PAK5: variants seen among roughly 807,000 people sequenced by gnomAD.
PAK5 encodes the protein p21 (RAC1) activated kinase 5.
Under a neutral mutation model 65.9 loss-of-function variants are expected in PAK5, and 16 were observed. The ratio of observed to expected loss-of-function variants is 0.24; its 90% confidence interval spans 0.16 to 0.37. PAK5 has a LOEUF of 0.37. Ranked by LOEUF, PAK5 falls within the 10% of genes least tolerant of loss-of-function variation. The probability of loss-of-function intolerance (pLI) is 1.00; values close to 1 mark genes in which losing one functional copy is unlikely to be tolerated. For synonymous variants in PAK5, 371 were observed against 354.9 expected (o/e 1.05, Z -0.51); for missense variants, 785 against 903.9 (o/e 0.87, Z 1.69).
chr20:9,684,658 A>C (rs1032166436), intron 2 of PAK5, among the ~76,000 whole-genome samples: 2 of 151,900 alleles, frequency 1.3e-5, no homozygotes, highest in African/African-American at 4.8e-5. Flanking sequence ...TTTTTTTTCT[A>C]TTCTCCACTT....
rs71184156 is a variant in PAK5, at chr20:9,766,283, A to ATTGAATATATATATATTCTAC, written c.-161-54869_-161-54849dup. On this transcript the variant is annotated intron_variant, in intron 1 of 9. Transcript: ENST00000353224. ...TCTAATTGAATATATATATATTCTA[A>ATTGAATATATATATATTCTAC]TTGAATATATATATATTCTACTTGA... 8.4e-3 allele frequency among the ~76,000 whole-genome samples: 562 copies of ATTGAATATATATATATTCTAC among 66,646 alleles called. 43 individuals are homozygous for ATTGAATATATATATATTCTAC. Among genetic ancestry groups the ATTGAATATATATATATTCTAC allele is most frequent in the East Asian group, 0.032 (79 of 2,468 alleles). The allele number at this position is 66,646 out of a possible 152,430, so 43.7% of individuals were successfully genotyped here. A position where few individuals can be genotyped will look rare whatever the true frequency, so the allele number is the denominator to read the frequency against.
chr20:9,585,937 T>C (rs1028215120), intron 3 of PAK5, among the ~76,000 whole-genome samples: 5 of 152,102 alleles, frequency 3.3e-5, no homozygotes, highest in Non-Finnish European at 5.9e-5. Context: ...AAAAGAACTA[T>C]GAAGCACATC....
chr20:9,734,908 C>G (rs572749231), intron 1 of PAK5, among the ~76,000 whole-genome samples: 6 of 152,110 alleles, frequency 3.9e-5, no homozygotes, highest in Admixed American at 6.5e-5. Flanking sequence ...AACAGGTTTC[C>G]CTGTGGCTGA....
chr20:9,626,265 A>G (rs1443124929), intron 3 of PAK5, among the ~76,000 whole-genome samples: 1 of 152,194 alleles, frequency 6.6e-6, no homozygotes, highest in Non-Finnish European at 1.5e-5. Context: ...CAGAAAAAGA[A>G]AAAAAAGAAA....
At chr20:9,644,483 C>T (rs745681527) in intron 2 of PAK5, 144 bp from the exon 3 acceptor site, 170 of 614,762 alleles carry the variant, frequency 2.8e-4, no homozygotes, top group Non-Finnish European at 3.4e-4. Context: ...GTTGAGTTTT[C>T]AGGGTGTGTA....
chr20:9,685,497 C>A (rs1306697018), intron 2 of PAK5, among the ~76,000 whole-genome samples: 1 of 152,050 alleles, frequency 6.6e-6, no homozygotes, highest in Non-Finnish European at 1.5e-5. Flanking sequence ...TAAAAGATTG[C>A]CAGAAAACAA....
intron 1 of PAK5, among the ~76,000 whole-genome samples, chr20:9,823,986 T>G (rs190550136): frequency 2.0e-4 from 31 of 152,270 alleles, no homozygotes; most frequent in African/African-American, 6.5e-4. Flanking sequence ...TGATAACACC[T>G]AATTTATAAG....
chr20:9,646,586 A>G (rs2047137558), intron 2 of PAK5, among the ~76,000 whole-genome samples: 1 of 152,216 alleles, frequency 6.6e-6, no homozygotes, highest in Non-Finnish European at 1.5e-5. Flanking sequence ...CCCTGCTGTC[A>G]TAGACTGCTG....
chr20:9,758,513 C>A (rs1027319134), intron 1 of PAK5, among the ~76,000 whole-genome samples: 1 of 152,160 alleles, frequency 6.6e-6, no homozygotes, highest in Non-Finnish European at 1.5e-5. Context: ...GAAGGGAGTA[C>A]TTTGCATAGT....
chr20:9,796,539 T>C (rs946647405), intron 1 of PAK5, among the ~76,000 whole-genome samples: 2 of 152,100 alleles, frequency 1.3e-5, no homozygotes, highest in African/African-American at 4.8e-5. Flanking sequence ...AAATGAAAAG[T>C]TTAAATTTTA....
intron 2 of PAK5, among the ~76,000 whole-genome samples, chr20:9,706,115 A>T (rs960371498): frequency 1.3e-5 from 2 of 152,192 alleles, no homozygotes; most frequent in Admixed American, 1.3e-4. Context: ...GTGGAAACAC[A>T]CACATGCACA....
At chr20:9,803,391 C>A (rs984923125) in intron 1 of PAK5, among the ~76,000 whole-genome samples, 1 of 152,078 alleles carries the variant, frequency 6.6e-6, no homozygotes, top group African/African-American at 2.4e-5. Flanking sequence ...CTATAAAGGG[C>A]AATCCTCTAC....
chr20:9,616,482 C>G (rs2046658151), intron 3 of PAK5, among the ~76,000 whole-genome samples: 1 of 152,202 alleles, frequency 6.6e-6, no homozygotes, highest in African/African-American at 2.4e-5. Flanking sequence ...CGGCTAAAGC[C>G]TTTGTGTTCT....
Position 9,539,415 on chromosome 20 carries a change from T to C in PAK5, c.*47A>G. 1.3e-6 allele frequency: 2 copies of C among 1,579,124 alleles called. No individual in the cohort carries two copies. ...TGTGTTTCCTTTTGTTCTCCTGAAT[T>C]ATTCTCATGTCCTCATCTAGCTTTG... On this transcript the variant is annotated 3_prime_UTR_variant, in exon 10 of 10. Transcript: ENST00000353224.
chr20:9,820,860 AC>A (rs71331385), intron 1 of PAK5, among the ~76,000 whole-genome samples: 67,666 of 151,890 alleles, frequency 0.45, 15,317 homozygotes, highest in Admixed American at 0.51. Flanking sequence ...GAACTGTAAC[AC>A]TCAGGTTCAA....
chr20:9,598,379 T>C (rs1364007923), intron 3 of PAK5, among the ~76,000 whole-genome samples: 1 of 152,180 alleles, frequency 6.6e-6, no homozygotes, highest in Non-Finnish European at 1.5e-5. Context: ...TTTGGCTTGA[T>C]CCCGTGTCTT....
At chr20:9,795,371 T>C (rs1806195735) in intron 1 of PAK5, among the ~76,000 whole-genome samples, 1 of 152,044 alleles carries the variant, frequency 6.6e-6, no homozygotes, top group South Asian at 2.1e-4. Flanking sequence ...CATTTTTCCA[T>C]GTAAATATTT....
At chr20:9,585,672 T>C (rs2046056580) in intron 3 of PAK5, among the ~76,000 whole-genome samples, 1 of 152,248 alleles carries the variant, frequency 6.6e-6, no homozygotes. Context: ...AGGGATATTA[T>C]CACTTGATGG....
chr20:9,816,281 T>C (rs1337031588), intron 1 of PAK5, among the ~76,000 whole-genome samples: 1 of 152,190 alleles, frequency 6.6e-6, no homozygotes, highest in Admixed American at 6.6e-5. Flanking sequence ...ACTAACTTCA[T>C]AGGGTTATTA....
Sources: gnomAD v4.1 joint callset for allele counts (sites outside exome capture counted in the v4.1 genomes callset) on GRCh38, gnomAD v4.1.1 for gene constraint, MANE v1.5 for transcripts, NCBI Gene and HGNC (gene_info 2026-07-23, HGNC 2026-07-21) for gene names.